Variants in FAM13A observed in about 807,000 individuals in gnomAD.
FAM13A encodes family with sequence similarity 13 member A.
Under a neutral mutation model 129.6 loss-of-function variants are expected in FAM13A, and 76 were observed. The observed-to-expected ratio is 0.59, with a 90% CI of 0.49 to 0.71. The LOEUF (loss-of-function observed/expected upper bound fraction) is 0.71, where lower values mean the gene tolerates loss of function less well. Ranked by LOEUF, FAM13A falls within the 30% of genes least tolerant of loss-of-function variation. The pLI, the probability that FAM13A is intolerant of heterozygous loss-of-function variation, is 0.00. For missense variants in FAM13A, 1,108 were observed against 1,249.3 expected, an observed-to-expected ratio of 0.89 and a Z score of 1.70; for synonymous variants, 443 against 449.9, an observed-to-expected ratio of 0.98 and a Z score of 0.20.
At chr4:88,971,303 G>A (rs1215056219) in intron 4 of FAM13A, among the ~76,000 whole-genome samples, 1 of 152,210 alleles carries the variant, frequency 6.6e-6, no homozygotes, top group East Asian at 1.9e-4. Context: ...CTTAGTAACT[G>A]TCTTTTGGAT....
At chr4:88,950,135 T>C (rs966239919) in intron 4 of FAM13A, among the ~76,000 whole-genome samples, 1 of 152,092 alleles carries the variant, frequency 6.6e-6, no homozygotes, top group Non-Finnish European at 1.5e-5. Flanking sequence ...CTCAACAAAA[T>C]TAGTAAAAAA....
chr4:88,908,190 T>C (rs1748474153), intron 5 of FAM13A, among the ~76,000 whole-genome samples: 2 of 152,240 alleles, frequency 1.3e-5, no homozygotes, highest in South Asian at 4.1e-4. Context: ...TTACAGCACC[T>C]GCTGGTGGTA....
intron 3 of FAM13A, among the ~76,000 whole-genome samples, chr4:89,017,625 A>C (rs1579790937): frequency 6.6e-6 from 1 of 152,302 alleles, no homozygotes; most frequent in East Asian, 1.9e-4. Context: ...TACTAAAGAT[A>C]TCTGACTACC....
intron 5 of FAM13A, among the ~76,000 whole-genome samples, chr4:88,925,252 A>G (rs1751899452): frequency 6.6e-6 from 1 of 152,324 alleles, no homozygotes; most frequent in East Asian, 1.9e-4. Flanking sequence ...AGACACATGC[A>G]CATGTATGTT....
At chr4:89,022,073 T>C (rs566066284) in intron 2 of FAM13A, among the ~76,000 whole-genome samples, 1 of 152,164 alleles carries the variant, frequency 6.6e-6, no homozygotes, top group South Asian at 2.1e-4. Flanking sequence ...TTCTTGAGAG[T>C]CTAATGGTGA....
intron 7 of FAM13A, among the ~76,000 whole-genome samples, chr4:88,806,498 CA>C (rs1728589330): frequency 1.3e-5 from 2 of 152,168 alleles, no homozygotes; most frequent in Non-Finnish European, 2.9e-5. Context: ...CACAAGCAAA[CA>C]AAATCGTGTC....
intron 8 of FAM13A, among the ~76,000 whole-genome samples, chr4:88,801,869 G>C (rs1390774490): frequency 1.3e-5 from 2 of 151,916 alleles, no homozygotes; most frequent in African/African-American, 4.8e-5. Context: ...ACAGCAAAAG[G>C]AGATGCAGAA....
At chr4:88,920,505 G>A (rs538830234) in intron 5 of FAM13A, among the ~76,000 whole-genome samples, 1 of 152,276 alleles carries the variant, frequency 6.6e-6, no homozygotes, top group East Asian at 1.9e-4. Flanking sequence ...CTGTTAGAAG[G>A]AAAACTAATA....
intron 5 of FAM13A, among the ~76,000 whole-genome samples, chr4:88,932,153 C>A (rs1753131843): frequency 6.6e-6 from 1 of 152,144 alleles, no homozygotes; most frequent in African/African-American, 2.4e-5. Flanking sequence ...GCACTGATGG[C>A]CTCAGTTAAA....
At chr4:88,991,220 T>A in intron 3 of FAM13A, 70 bp from the exon 4 acceptor site, 1 of 1,111,012 alleles carries the variant, frequency 9.0e-7, no homozygotes, top group Non-Finnish European at 1.3e-6. Flanking sequence ...CCCATAGGTG[T>A]AATACATTCT....
chr4:88,906,103 C>T (rs1038023376), intron 6 of FAM13A, among the ~76,000 whole-genome samples: 75 of 152,112 alleles, frequency 4.9e-4, no homozygotes, highest in Non-Finnish European at 9.6e-4. Context: ...GCCTGGCCAA[C>T]ATGGCAAAAC....
intron 3 of FAM13A, among the ~76,000 whole-genome samples, chr4:89,000,847 C>T (rs571617307): frequency 2.1e-4 from 32 of 152,304 alleles, no homozygotes; most frequent in Admixed American, 1.6e-3. Context: ...TAATATCCCA[C>T]TAAAATGACA....
At chr4:88,796,355 T>C (rs1726177510) in intron 8 of FAM13A, among the ~76,000 whole-genome samples, 2 of 152,038 alleles carry the variant, frequency 1.3e-5, no homozygotes, top group South Asian at 4.1e-4. Flanking sequence ...TCAAAATTTC[T>C]GCTCTTTAAG....
intron 4 of FAM13A, among the ~76,000 whole-genome samples, chr4:88,941,368 T>C (rs1430473579): frequency 1.3e-5 from 2 of 152,214 alleles, no homozygotes; most frequent in Non-Finnish European, 1.5e-5. Context: ...GCTCCCACCA[T>C]ACAAGGAAAG....
At chr4:88,911,625 A>C (rs1328319679) in intron 5 of FAM13A, among the ~76,000 whole-genome samples, 1 of 152,084 alleles carries the variant, frequency 6.6e-6, no homozygotes, top group African/African-American at 2.4e-5. Context: ...GAGAGATAAG[A>C]CTGGTTGTAT....
chr4:88,862,644 C>A (rs1739682920), intron 6 of FAM13A, among the ~76,000 whole-genome samples: 1 of 152,186 alleles, frequency 6.6e-6, no homozygotes, highest in Admixed American at 6.5e-5. Flanking sequence ...ACATACCTTT[C>A]ATCTTCTAAC....
chr4:88,987,243 T>C (rs1337266549), intron 4 of FAM13A, among the ~76,000 whole-genome samples: 1 of 152,076 alleles, frequency 6.6e-6, no homozygotes. Context: ...AAAAAAATAC[T>C]AGTAGAGTTT....
intron 1 of FAM13A, among the ~76,000 whole-genome samples, chr4:89,056,319 C>T (rs909817466): frequency 6.6e-6 from 1 of 152,094 alleles, no homozygotes; most frequent in Non-Finnish European, 1.5e-5. Flanking sequence ...TCTAAAAATT[C>T]TAAAACTCCA....
intron 3 of FAM13A, among the ~76,000 whole-genome samples, chr4:88,998,337 A>C (rs182278887): frequency 6.6e-6 from 1 of 152,206 alleles, no homozygotes; most frequent in Non-Finnish European, 1.5e-5. Context: ...GCCTGTCCAC[A>C]TTCACCCAGG....
Sources: gnomAD v4.1 joint callset for allele counts (sites outside exome capture counted in the v4.1 genomes callset) on GRCh38, gnomAD v4.1.1 for gene constraint, MANE v1.5 for transcripts, NCBI Gene and HGNC (gene_info 2026-07-23, HGNC 2026-07-21) for gene names.